Variants in SDK2 observed in about 807,000 individuals in gnomAD.
SDK2 encodes protein sidekick-2.
In SDK2, 105 loss-of-function variants were observed where a neutral mutation model predicts 253.9. The observed-to-expected ratio is 0.41, with a 90% confidence interval of 0.35 to 0.49. The LOEUF is 0.49. Among genes scored for constraint, SDK2 ranks in the 20% least tolerant of loss-of-function variants. SDK2 has a pLI of 0.06. For missense variants in SDK2, 2,608 were observed against 3,003.0 expected (o/e 0.87, Z 3.07); for synonymous variants, 1,249 against 1,234.9 (o/e 1.01, Z -0.24).
chr17:73,600,644 G>A (rs529809577), intron 1 of SDK2, among the ~76,000 whole-genome samples: 3 of 152,298 alleles, frequency 2.0e-5, no homozygotes, highest in Non-Finnish European at 2.9e-5. Context: ...CCTGCTCTGC[G>A]ACAGGGTGTT....
intron 10 of SDK2, among the ~76,000 whole-genome samples, chr17:73,432,881 T>C (rs1227004335): frequency 6.6e-6 from 1 of 152,122 alleles, no homozygotes; most frequent in East Asian, 1.9e-4. Flanking sequence ...CATATGTGTG[T>C]GTGTGCAGGG....
chr17:73,522,054 G>A (rs1044528474), intron 1 of SDK2, among the ~76,000 whole-genome samples: 2 of 152,206 alleles, frequency 1.3e-5, no homozygotes, highest in Non-Finnish European at 2.9e-5. Flanking sequence ...GGAGAGTTGA[G>A]TGACTCCCAA....
intron 43 of SDK2, 63 bp downstream of exon 43, chr17:73,350,174 C>T: frequency 1.5e-5 from 2 of 130,266 alleles, no homozygotes; most frequent in East Asian, 2.4e-4. Context: ...TGGCCTTCCC[C>T]AGCATTCTCC....
chr17:73,569,415 C>A (rs1376080721), intron 1 of SDK2, among the ~76,000 whole-genome samples: 1 of 152,030 alleles, frequency 6.6e-6, no homozygotes, highest in Admixed American at 6.5e-5. Context: ...CTGGGCTGGT[C>A]TCAAACTCCT....
chr17:73,499,859 CTGTGTGTGTGTGTGTGTGTGTG>C (rs59872387), intron 2 of SDK2, among the ~76,000 whole-genome samples: 122 of 145,642 alleles, frequency 8.4e-4, no homozygotes, highest in East Asian at 2.9e-3. Context: ...GCATGGGAAT[CTGTGTGTGTGTGTGTGTGTGTG>C]TGTGTGTGTG....
chr17:73,366,137 C>A (rs1321540575), intron 37 of SDK2, among the ~76,000 whole-genome samples: 1 of 152,290 alleles, frequency 6.6e-6, no homozygotes, highest in Non-Finnish European at 1.5e-5. Flanking sequence ...GGAGCTAATC[C>A]GGACCTGCTT....
At chr17:73,579,501 G>A (rs1000594089) in intron 1 of SDK2, among the ~76,000 whole-genome samples, 4 of 152,084 alleles carry the variant, frequency 2.6e-5, no homozygotes, top group Non-Finnish European at 4.4e-5. Flanking sequence ...CTCACGTAGC[G>A]CTTCTCAGGA....
At chr17:73,441,238 A>C (rs2063413515) in intron 5 of SDK2, among the ~76,000 whole-genome samples, 2 of 151,288 alleles carry the variant, frequency 1.3e-5, no homozygotes, top group African/African-American at 2.4e-5. Context: ...TTCCCTTCAA[A>C]TCCTTCCCTC....
intron 2 of SDK2, among the ~76,000 whole-genome samples, chr17:73,487,938 G>A (rs984815565): frequency 6.6e-6 from 1 of 152,188 alleles, no homozygotes; most frequent in Non-Finnish European, 1.5e-5. Context: ...GTCACTCACT[G>A]AGCACGTGAC....
intron 1 of SDK2, among the ~76,000 whole-genome samples, chr17:73,636,917 A>C (rs894450856): frequency 6.6e-6 from 1 of 152,110 alleles, no homozygotes; most frequent in Admixed American, 6.5e-5. Flanking sequence ...GTATTATCTC[A>C]TTTAAGCCTT....
At chr17:73,433,638 T>C in intron 10 of SDK2, 94 bp downstream of exon 10, 2 of 925,260 alleles carry the variant, frequency 2.2e-6, no homozygotes, top group Middle Eastern at 2.1e-4. Flanking sequence ...CAAGTGTACG[T>C]GGGGAACCCA....
At chr17:73,592,845 A>T (rs1298543671) in intron 1 of SDK2, among the ~76,000 whole-genome samples, 1 of 152,160 alleles carries the variant, frequency 6.6e-6, no homozygotes, top group Admixed American at 6.5e-5. Flanking sequence ...ACGGAATCAA[A>T]GAGTCACAGA....
intron 38 of SDK2, among the ~76,000 whole-genome samples, chr17:73,362,060 ACGGCTCCATGGTT>A (rs2062646176): frequency 6.6e-6 from 1 of 152,166 alleles, no homozygotes; most frequent in Non-Finnish European, 1.5e-5. Flanking sequence ...CTCAGGGAGA[ACGGCTCCATGGTT>A]CAGTATGTTT....
At chr17:73,362,203 G>A (rs1307996351) in intron 38 of SDK2, among the ~76,000 whole-genome samples, 2 of 151,986 alleles carry the variant, frequency 1.3e-5, no homozygotes, top group Non-Finnish European at 2.9e-5. Flanking sequence ...AATATGTTTC[G>A]GCTCCATTGC....
In SDK2 at chr17:73,618,424, G is replaced by A. The variant is rs1426873857; in HGVS notation, c.64+25601C>T. On this transcript the variant is annotated intron_variant, in intron 1 of 44. Coordinates refer to ENST00000392650, the MANE Select transcript of SDK2 (RefSeq NM_001144952.2). This position sits in a 1 kb window ranked among gnomAD's most constrained non-coding sequence, Gnocchi z 4.1. ...GAGGCAGTGGTCGGCCAAGCCCAAG[G>A]GCTATGGAGCCACAAGGATTCAAGG... is the stretch of plus-strand genomic sequence containing the variant. Among the ~76,000 whole-genome samples, 1 of 152,210 alleles carries A rather than the reference G, an allele frequency of 6.6e-6. No homozygotes were observed. Among genetic ancestry groups the A allele is most frequent in the African/African-American group, 2.4e-5 (1 of 41,456 alleles).
At chr17:73,610,519 G>T (rs2045960350) in intron 1 of SDK2, among the ~76,000 whole-genome samples, 1 of 152,302 alleles carries the variant, frequency 6.6e-6, no homozygotes, top group South Asian at 2.1e-4. Context: ...ACTCACTGGG[G>T]ATCTGACTCA....
At chr17:73,469,732 G>A (rs2063630549) in intron 3 of SDK2, among the ~76,000 whole-genome samples, 1 of 152,132 alleles carries the variant, frequency 6.6e-6, no homozygotes, top group Non-Finnish European at 1.5e-5. Context: ...GGATCAAGGA[G>A]CTGAGTCTGG....
At chr17:73,416,913 A>G (rs1393211722) in intron 16 of SDK2, among the ~76,000 whole-genome samples, 1 of 152,210 alleles carries the variant, frequency 6.6e-6, no homozygotes, top group East Asian at 1.9e-4. Context: ...AAATAAACAT[A>G]TCAGAAAAAG....
At chr17:73,524,637 A>G (rs2064111116) in intron 1 of SDK2, among the ~76,000 whole-genome samples, 1 of 152,242 alleles carries the variant, frequency 6.6e-6, no homozygotes, top group Admixed American at 6.5e-5. Context: ...CATGAGGGCC[A>G]GGCACCTCTG....
Sources: gnomAD v4.1 joint callset for allele counts (sites outside exome capture counted in the v4.1 genomes callset) on GRCh38, gnomAD v4.1.1 for gene constraint, Gnocchi (gnomAD v3.1) non-coding constraint, MANE v1.5 for transcripts, NCBI Gene and HGNC (gene_info 2026-07-23, HGNC 2026-07-21) for gene names.